The following LRRC37B variants were observed in gnomAD, a reference collection of about 807,000 sequenced individuals.
The protein encoded by LRRC37B is leucine-rich repeat-containing protein 37B.
LRRC37B carries 28 observed loss-of-function variants against 98.3 expected under a neutral mutation model. That is an observed-to-expected ratio of 0.28 (90% confidence interval 0.21 to 0.39). The LOEUF is 0.39. Among genes scored for constraint, LRRC37B ranks in the 10% least tolerant of loss-of-function variants. The pLI is 1.00. For synonymous variants in LRRC37B, 364 were observed against 442.7 expected (o/e 0.82, Z 2.23); for missense variants, 938 against 1,182.7 (o/e 0.79, Z 3.03).
chr17:32,046,603 T>C (rs868665087), intron 8 of LRRC37B, among the ~76,000 whole-genome samples: 8 of 150,400 alleles, frequency 5.3e-5, no homozygotes, highest in Non-Finnish European at 7.4e-5. Context: ...TTTTTTCTTT[T>C]TTTTTTTTTT....
At chr17:32,022,694 A>C (rs751292189) in exon 1 of LRRC37B, 3 of 1,614,032 alleles carry the variant, frequency 1.9e-6, no homozygotes, top group Non-Finnish European at 1.7e-6. Context: ...AGGCCTCCAC[A>C]AGCACCAACA....
intron 1 of LRRC37B, among the ~76,000 whole-genome samples, chr17:32,011,137 C>T (rs1333289771): frequency 1.3e-5 from 2 of 151,960 alleles, no homozygotes; most frequent in African/African-American, 4.8e-5. Flanking sequence ...GCTGGGACTA[C>T]AGGCACCCGC....
intron 5 of LRRC37B, among the ~76,000 whole-genome samples, chr17:32,032,626 T>A (rs575164939): frequency 6.6e-6 from 1 of 152,100 alleles, no homozygotes; most frequent in Non-Finnish European, 1.5e-5. Context: ...CATTTTGAGG[T>A]AGAGGGAGGT....
rs1910812183 is a variant in LRRC37B, at chr17:32,022,122, G to A, written c.1057G>A (p.Val353Ile). 8 of 1,613,906 alleles carry A rather than the reference G, an allele frequency of 5.0e-6. No homozygotes were observed. Among genetic ancestry groups the A allele is most frequent in the Non-Finnish European group, 6.8e-6 (8 of 1,179,846 alleles). ...AACTCCACTGAATCATGAAGTGACA[G>A]TTCAACCTCCAGGTGAGGATCAAGC... Residue 353 changes from valine (V) to isoleucine (I), a missense_variant, in exon 1 of 12, where the codon GTT becomes ATT. Around this residue, in one of 2 missense-constraint regions of LRRC37B, gnomAD observed 610 missense variants for 625.6 expected, o/e 0.98. Coordinates refer to ENST00000327564, the Ensembl canonical transcript of LRRC37B.
intron 6 of LRRC37B, 84 bp downstream of exon 9, chr17:32,035,065 G>A: frequency 9.7e-7 from 1 of 1,028,370 alleles, no homozygotes; most frequent in Middle Eastern, 2.1e-4. Context: ...TTTGCATTTA[G>A]GCTAAAAAGT....
At chr17:32,013,979 C>T (rs1910595402) in intron 1 of LRRC37B, among the ~76,000 whole-genome samples, 1 of 152,170 alleles carries the variant, frequency 6.6e-6, no homozygotes, top group Non-Finnish European at 1.5e-5. Flanking sequence ...ATCCCTCTTA[C>T]ATGTGATAGT....
intron 2 of LRRC37B, among the ~76,000 whole-genome samples, chr17:32,026,083 T>C (rs1223549751): frequency 6.6e-6 from 1 of 152,232 alleles, no homozygotes; most frequent in African/African-American, 2.4e-5. Context: ...TTCTTCCTGA[T>C]TTATAGAAGG....
chr17:32,007,504 C>T (rs1299159106), upstream of LRRC37B, among the ~76,000 whole-genome samples: 1 of 151,982 alleles, frequency 6.6e-6, no homozygotes, highest in African/African-American at 2.4e-5. This position sits in a 1 kb window ranked among gnomAD's most constrained non-coding sequence, Gnocchi z 4.1. Flanking sequence ...CCCTCCCGCC[C>T]AGCCCCTCGG....
intron 3 of LRRC37B, among the ~76,000 whole-genome samples, chr17:32,029,705 G>T (rs1029345003): frequency 6.6e-6 from 1 of 152,188 alleles, no homozygotes; most frequent in Non-Finnish European, 1.5e-5. Context: ...TACAAGGAGG[G>T]AGAGTAGGAA....
upstream of LRRC37B, among the ~76,000 whole-genome samples, chr17:32,020,360 G>A (rs1910734674): frequency 6.6e-6 from 1 of 152,140 alleles, no homozygotes; most frequent in Non-Finnish European, 1.5e-5. Context: ...TCTTCTCCAT[G>A]TGTGCACACA....
chr17:32,007,958 G>A (rs898193926), upstream of LRRC37B: 1 of 505,156 alleles, frequency 2.0e-6, no homozygotes, highest in Non-Finnish European at 3.2e-6. The surrounding 1 kb of genome is among the most constrained non-coding windows in gnomAD (Gnocchi z 4.1). Flanking sequence ...CTACGAGAGC[G>A]AGGAGGAGGA....
chr17:32,043,195 T>C (rs1911492140), intron 7 of LRRC37B, among the ~76,000 whole-genome samples: 1 of 152,226 alleles, frequency 6.6e-6, no homozygotes, highest in Non-Finnish European at 1.5e-5. Flanking sequence ...CATTATACCA[T>C]TTGAAAATGC....
chr17:32,011,735 G>A (rs1910530689), intron 1 of LRRC37B, among the ~76,000 whole-genome samples: 1 of 149,298 alleles, frequency 6.7e-6, no homozygotes, highest in Non-Finnish European at 1.5e-5. Context: ...GACCTCAGGT[G>A]TTTCACCTGC....
chr17:32,032,848 T>A lies in LRRC37B; in HGVS notation c.2057+1390T>A, dbSNP rs1401517912. Reference sequence around the variant, plus strand: ...AAACTCACCACCTTTACTAAGCACTTTATAACAGTGGGAGTCCCACATCAG... The same window carrying A: ...AAACTCACCACCTTTACTAAGCACTATATAACAGTGGGAGTCCCACATCAG... On this transcript the variant is annotated intron_variant, in intron 5 of 11. Transcript: ENST00000327564. 2.6e-5 allele frequency among the ~76,000 whole-genome samples: 4 copies of A among 152,042 alleles called. No individual in the cohort carries two copies. In the East Asian group the frequency reaches 7.7e-4, roughly 29 times the overall value.
upstream of LRRC37B, among the ~76,000 whole-genome samples, chr17:32,020,506 T>G (rs939860170): frequency 7.9e-5 from 12 of 152,130 alleles, no homozygotes; most frequent in Non-Finnish European, 1.3e-4. Context: ...TCTCCCAGAC[T>G]GAATTGCCCA....
intron 11 of LRRC37B, chr17:32,052,045 C>T (rs962599399): frequency 9.9e-5 from 15 of 151,720 alleles, no homozygotes; most frequent in African/African-American, 3.4e-4. Flanking sequence ...TTGTTTCTAG[C>T]CACCGTACTG....
intron 1 of LRRC37B, among the ~76,000 whole-genome samples, chr17:32,014,281 C>A (rs1251571667): frequency 6.6e-6 from 1 of 152,172 alleles, no homozygotes; most frequent in African/African-American, 2.4e-5. Context: ...ATGAACCTTT[C>A]TGTAAAACAT....
At chr17:32,015,757 T>G (rs1228097799) in intron 1 of LRRC37B, among the ~76,000 whole-genome samples, 1 of 152,222 alleles carries the variant, frequency 6.6e-6, no homozygotes, top group Admixed American at 6.5e-5. Flanking sequence ...CAAATATTGT[T>G]TTAGTTACTA....
chr17:32,040,291 AAAG>A, intron 7 of LRRC37B: 2 of 320,192 alleles, frequency 6.2e-6, no homozygotes, highest in Admixed American at 8.6e-5. Context: ...GAAGGAGACT[AAAG>A]AATCATGAAC....
Sources: allele counts gnomAD v4.1 joint callset (sites outside exome capture counted in the v4.1 genomes callset), GRCh38; gene constraint gnomAD v4.1.1; regional missense constraint gnomAD v4.1.1; non-coding constraint Gnocchi (gnomAD v3.1); transcripts MANE v1.5; gene names NCBI Gene and HGNC (gene_info 2026-07-23, HGNC 2026-07-21).